DZIP1: variants seen among roughly 807,000 people sequenced by gnomAD.
DZIP1 encodes the protein DAZ interacting zinc finger protein 1, also known as cilium assembly protein DZIP1.
Under a neutral mutation model 107.6 loss-of-function variants are expected in DZIP1, and 97 were observed. The ratio of observed to expected loss-of-function variants is 0.90; its 90% CI spans 0.77 to 1.07. The LOEUF (loss-of-function observed/expected upper bound fraction) is 1.07, where lower values mean the gene tolerates loss of function less well. Among genes scored for constraint, DZIP1 ranks in the 50% least tolerant of loss-of-function variants. The pLI, the probability that DZIP1 is intolerant of heterozygous loss-of-function variation, is 0.00. For synonymous variants in DZIP1, 390 were observed against 386.4 expected (o/e 1.01, Z -0.11); for missense variants, 1,035 against 1,063.6 (o/e 0.97, Z 0.37).
rs2043967759 is a variant in DZIP1, at chr13:95,578,369, T to C, written c.*3865A>G. The stretch of plus-strand genomic sequence containing the variant: ...TCTTTGTACCCACTCCTTATGTTTC[T>C]TTTCATTCATAAACAGGTGTATAAG... On this transcript the variant is annotated 3_prime_UTR_variant, in exon 23 of 23. Coordinates refer to ENST00000376829, the MANE Select transcript of DZIP1 (RefSeq NM_198968.4). The C allele has an allele frequency of 6.3e-6, 1 of 159,486 alleles. No homozygotes were observed. 9.9% of individuals were successfully genotyped at this position (159,486 alleles called of 1,614,324 possible).
chr13:95,623,749 T>C (rs1876192736), intron 8 of DZIP1, among the ~76,000 whole-genome samples: 2 of 152,214 alleles, frequency 1.3e-5, no homozygotes, highest in Non-Finnish European at 2.9e-5. Context: ...GACACCATCC[T>C]GGCCAACATG....
At chr13:95,588,194 G>A (rs1322066264) in intron 19 of DZIP1, 1 of 152,810 alleles carries the variant, frequency 6.5e-6, no homozygotes, top group African/African-American at 2.4e-5. Flanking sequence ...TGAAATAGAA[G>A]TTCAAAGCAG....
At position 95,579,738 on chromosome 13, in the gene DZIP1, T is replaced by G. The variant is rs1331914292; in HGVS notation, c.*2496A>C. ...AACAAGTTTGTTAAAAGATAAAAAATAAAAAAAATTCCATACCTTGATAAT... is the reference window on the plus strand; with the variant it reads ...AACAAGTTTGTTAAAAGATAAAAAAGAAAAAAAATTCCATACCTTGATAAT... On this transcript the variant is annotated 3_prime_UTR_variant, in exon 23 of 23. Transcript: ENST00000376829. The G allele has an allele frequency of 6.6e-6, 1 of 151,914 alleles. No individual in the cohort carries two copies. The highest frequency in any genetic ancestry group is 1.5e-5 in the Non-Finnish European group (1 of 67,950). 9.4% of individuals were successfully genotyped at this position (151,914 alleles called of 1,614,324 possible).
At chr13:95,630,719 G>T in intron 6 of DZIP1, 1 of 1,262,440 alleles carries the variant, frequency 7.9e-7, no homozygotes, top group Non-Finnish European at 1.0e-6. Flanking sequence ...CTTACATGCA[G>T]ATGTACACAT....
At position 95,612,302 on chromosome 13, in the gene DZIP1, G is replaced by C. The variant is rs143625581; in HGVS notation, c.1174-125C>G. The C allele has an allele frequency of 2.8e-6, 3 of 1,074,410 alleles. No individual in the cohort carries two copies. The Admixed American group carries it at 7.9e-5, about 28-fold the overall frequency. The allele number at this position is 1,074,410 out of a possible 1,614,324, so 66.6% of individuals were successfully genotyped here. A position where few individuals can be genotyped will look rare whatever the true frequency, so the allele number is the denominator to read the frequency against. On this transcript the variant is annotated intron_variant, in intron 10 of 22. Coordinates refer to ENST00000376829, the MANE Select transcript of DZIP1 (RefSeq NM_198968.4). ...TGATGCTATCCGTGCGCATCAAGTCGTTGAATAAATCTTTGATCATGGTAT... is the reference window on the plus strand; with the variant it reads ...TGATGCTATCCGTGCGCATCAAGTCCTTGAATAAATCTTTGATCATGGTAT...
intron 10 of DZIP1, among the ~76,000 whole-genome samples, chr13:95,615,216 G>A (rs1434772872): frequency 4.6e-5 from 7 of 152,152 alleles, no homozygotes; most frequent in African/African-American, 9.6e-5. Context: ...ATCACAACTC[G>A]CAATGACAAA....
At chr13:95,630,615 T>C (rs1208955884) in intron 6 of DZIP1, 1 of 892,164 alleles carries the variant, frequency 1.1e-6, no homozygotes, top group African/African-American at 1.8e-5. Context: ...AAATGCAAAC[T>C]TGGGCCATAG....
intron 14 of DZIP1, among the ~76,000 whole-genome samples, chr13:95,605,041 A>G (rs1238797873): frequency 1.3e-5 from 2 of 152,216 alleles, no homozygotes; most frequent in Non-Finnish European, 2.9e-5. Flanking sequence ...CACATACTCA[A>G]GACAACTGAC....
chr13:95,588,552 T>C (rs1021457368), intron 19 of DZIP1, among the ~76,000 whole-genome samples: 5 of 152,236 alleles, frequency 3.3e-5, no homozygotes, highest in African/African-American at 1.2e-4. Context: ...CATTCCCATT[T>C]AATTTGTAGA....
At chr13:95,617,580 C>T (rs781233897) in intron 10 of DZIP1, among the ~76,000 whole-genome samples, 15 of 151,672 alleles carry the variant, frequency 9.9e-5, no homozygotes, top group African/African-American at 3.2e-4. Context: ...AAGAGCAAGT[C>T]GAAGGGCTTG....
chr13:95,629,268 GGTACCCACGGT>G (rs1876913354), intron 7 of DZIP1, among the ~76,000 whole-genome samples: 1 of 152,182 alleles, frequency 6.6e-6, no homozygotes, highest in South Asian at 2.1e-4. Context: ...TGGCATACGT[GGTACCCACGGT>G]GTACCCACAG....
rs771742308 is a variant in DZIP1, at chr13:95,641,696, T to G, written c.196A>C (p.Ser66Arg). Residue 66 changes from serine to arginine, a missense_variant, in exon 5 of 23, where the codon AGT becomes CGT. By Grantham distance (110) the Ser-to-Arg change is moderately radical (BLOSUM62 -1). Transcript: ENST00000376829. This position sits in a 1 kb window ranked among gnomAD's most constrained non-coding sequence, Gnocchi z 4.3. ...PFFQFRPRLESVDWRRLSAID... is the reference protein window; with the variant it reads ...PFFQFRPRLERVDWRRLSAID... Reference sequence around the variant, plus strand: ...GCGCTCAGCCGCCGCCAGTCCACACTCTCCAGCCGCGGCCTGAACTGGAAG... The same window carrying G: ...GCGCTCAGCCGCCGCCAGTCCACACGCTCCAGCCGCGGCCTGAACTGGAAG... 6.2e-7 allele frequency: 1 copy of G among 1,603,266 alleles called. No individual in the cohort carries two copies. The highest frequency in any genetic ancestry group is 8.5e-7 in the Non-Finnish European group (1 of 1,179,574).
rs755679148 is a variant in DZIP1, at chr13:95,599,409, G to A, written c.1493C>T (p.Ser498Leu). The change falls in exon 15 of 23, where the codon TCG (serine) becomes TTG (leucine). Residue 498 changes from serine to leucine, a missense_variant. Coordinates refer to ENST00000376829, the MANE Select transcript of DZIP1 (RefSeq NM_198968.4). The stretch of plus-strand genomic sequence containing the variant: ...TTCTTCTATTGGTTCCAGTATGTGC[G>A]ACGAGAATGCCTGTTCTATTAACAA... Reference protein sequence around the residue: ...LPMVHEQAFSSHILEPIEELS... With the variant: ...LPMVHEQAFSLHILEPIEELS... The A allele has an allele frequency of 2.0e-5, 33 of 1,613,412 alleles. No individual in the cohort carries two copies. Among genetic ancestry groups the A allele is most frequent in the Middle Eastern group, 1.6e-4 (1 of 6,076 alleles).
Position 95,619,083 on chromosome 13 carries a change from C to CA in DZIP1, c.1173+801dup, listed in dbSNP as rs576450260. 7.9e-5 allele frequency among the ~76,000 whole-genome samples: 12 copies of CA among 151,816 alleles called. No individual in the cohort carries two copies. In the East Asian group the frequency reaches 1.9e-3, roughly 24 times the overall value. On this transcript the variant is annotated intron_variant, in intron 10 of 22. Coordinates refer to ENST00000376829, the MANE Select transcript of DZIP1 (RefSeq NM_198968.4). ...TTACTTACATTGCAGTTCTGTGATA[C>CA]AAAAAAATCAGAAACATGTATTTGA... is the stretch of plus-strand genomic sequence containing the variant.
intron 16 of DZIP1, among the ~76,000 whole-genome samples, chr13:95,591,551 G>A (rs1348418540): frequency 1.3e-5 from 2 of 152,076 alleles, no homozygotes. Context: ...CAGTTGCCCA[G>A]GACAGAAATC....
intron 6 of DZIP1, among the ~76,000 whole-genome samples, chr13:95,632,711 G>A (rs1024457322): frequency 1.3e-5 from 2 of 152,082 alleles, no homozygotes; most frequent in Non-Finnish European, 1.5e-5. Flanking sequence ...CCTGTGATCA[G>A]GCCCCCAGCA....
intron 18 of DZIP1, 59 bp from the exon 19 acceptor site, chr13:95,589,266 T>C (rs966312141): frequency 7.4e-7 from 1 of 1,350,408 alleles, no homozygotes; most frequent in Non-Finnish European, 1.0e-6. Flanking sequence ...TAATTTCACA[T>C]ACATTTCTAT....
At chr13:95,638,539 T>G (rs1878094020) in intron 5 of DZIP1, among the ~76,000 whole-genome samples, 1 of 152,210 alleles carries the variant, frequency 6.6e-6, no homozygotes, top group African/African-American at 2.4e-5. Context: ...GGGTATTCAC[T>G]ATATTGTTGT....
chr13:95,617,967 G>T (rs558605050), intron 10 of DZIP1: 6 of 519,038 alleles, frequency 1.2e-5, no homozygotes, highest in Admixed American at 5.8e-5. Context: ...GGTGCCATTT[G>T]CCAAGTCTGG....
Sources: gnomAD v4.1 joint callset for allele counts (sites outside exome capture counted in the v4.1 genomes callset) on GRCh38, gnomAD v4.1.1 for gene constraint, Gnocchi (gnomAD v3.1) non-coding constraint, MANE v1.5 for transcripts, NCBI Gene and HGNC (gene_info 2026-07-23, HGNC 2026-07-21) for gene names.